PITPNC1: variants seen among roughly 807,000 people sequenced by gnomAD.
PITPNC1 encodes cytoplasmic phosphatidylinositol transfer protein 1.
A neutral mutation model predicts 44.7 loss-of-function variants in PITPNC1; 18 were observed. The ratio of observed to expected loss-of-function variants is 0.40; its 90% CI spans 0.28 to 0.60. The LOEUF is 0.60. Among genes scored for constraint, PITPNC1 ranks in the 20% least tolerant of loss-of-function variants. The pLI is 0.39. For missense variants in PITPNC1, 290 were observed against 418.4 expected, an observed-to-expected ratio of 0.69 and a Z score of 2.68; for synonymous variants, 141 against 149.6, an observed-to-expected ratio of 0.94 and a Z score of 0.42.
At position 67,389,076 on chromosome 17, in the gene PITPNC1, C is replaced by G. The variant is rs567335567; in HGVS notation, c.48+10874C>G. ...TCAAGGCGTCAGTCAGGCTGCCTTT[C>G]TTTCTGGAGCTTGGAGTTGTCTTCA... On this transcript the variant is annotated intron_variant, in intron 1 of 8. Transcript: ENST00000581322. Among the ~76,000 whole-genome samples the G allele has an allele frequency of 8.5e-5, 13 of 152,352 alleles. No individual in the cohort carries two copies. The East Asian group carries it at 2.3e-3, about 27-fold the overall frequency.
chr17:67,459,113 CTT>C (rs886333854), intron 1 of PITPNC1, among the ~76,000 whole-genome samples: 9 of 95,712 alleles, frequency 9.4e-5, no homozygotes, highest in South Asian at 3.4e-4. Context: ...TTTTCTTTTT[CTT>C]TTTTTTTTTT....
intron 7 of PITPNC1, among the ~76,000 whole-genome samples, chr17:67,670,750 CAA>C (rs61094990): frequency 2.0e-4 from 12 of 60,498 alleles, no homozygotes; most frequent in Non-Finnish European, 1.6e-4. Flanking sequence ...GACTCCATCT[CAA>C]AAAAAAAAAA....
intron 5 of PITPNC1, among the ~76,000 whole-genome samples, chr17:67,623,596 C>G (rs184207493): frequency 1.6e-4 from 24 of 152,312 alleles, no homozygotes; most frequent in African/African-American, 5.8e-4. Context: ...GTTGACCAGG[C>G]TGGTCTGGAA....
At chr17:67,483,361 G>A (rs1358313437) in intron 1 of PITPNC1, among the ~76,000 whole-genome samples, 1 of 152,138 alleles carries the variant, frequency 6.6e-6, no homozygotes, top group South Asian at 2.1e-4. Flanking sequence ...AGTAATCCTG[G>A]TATCCAGATA....
chr17:67,672,619 T>C (rs1484884207), intron 7 of PITPNC1, among the ~76,000 whole-genome samples: 1 of 151,218 alleles, frequency 6.6e-6, no homozygotes, highest in African/African-American at 2.4e-5. Flanking sequence ...ATAATAATAA[T>C]AATAATAATA....
At position 67,441,624 on chromosome 17, in the gene PITPNC1, G is replaced by T. The variant is rs191197103; in HGVS notation, c.48+63422G>T. Reference sequence around the variant, plus strand: ...CTTCTAATCCGATCACAGCTGTAAAGACCATAAAGCCAAGCCCCGACGTCA... The same window carrying T: ...CTTCTAATCCGATCACAGCTGTAAATACCATAAAGCCAAGCCCCGACGTCA... On this transcript the variant is annotated intron_variant, in intron 1 of 8. Transcript: ENST00000581322. Among the ~76,000 whole-genome samples the T allele has an allele frequency of 6.8e-4, 103 of 152,274 alleles. 2 individuals are homozygous for T. The South Asian group carries it at 8.5e-3, about 13-fold the overall frequency.
At chr17:67,423,606 C>A (rs1485631962) in intron 1 of PITPNC1, among the ~76,000 whole-genome samples, 1 of 152,120 alleles carries the variant, frequency 6.6e-6, no homozygotes, top group Admixed American at 6.6e-5. Flanking sequence ...TGGGCTTAAG[C>A]GATCCTCCTG....
chr17:67,622,648 G>T (rs1419000936), intron 5 of PITPNC1, among the ~76,000 whole-genome samples: 1 of 151,720 alleles, frequency 6.6e-6, no homozygotes, highest in East Asian at 1.9e-4. Context: ...GAGAGGCTGA[G>T]GCAGTTGGAT....
intron 1 of PITPNC1, among the ~76,000 whole-genome samples, chr17:67,427,577 T>TTTGC (rs1172288291): frequency 2.6e-5 from 4 of 152,030 alleles, no homozygotes; most frequent in Non-Finnish European, 5.9e-5. Context: ...GTGAGCTGGA[T>TTTGC]TTGCTGTATT....
chr17:67,692,713 C>G lies in PITPNC1; in HGVS notation c.824C>G (p.Ala275Gly), dbSNP rs1415749042. ...TCCGTCCGCAGTGCGCCTTCTAGTGCTCCATCCACCCCTCTCTCCACAGAC... is the reference window on the plus strand; with the variant it reads ...TCCGTCCGCAGTGCGCCTTCTAGTGGTCCATCCACCCCTCTCTCCACAGAC... The part of the protein sequence containing the change: ...PSSVRSAPSS[A>G]PSTPLSTDAP... Residue 275 changes from alanine (A) to glycine (G), a missense_variant, in exon 9 of 9, where the codon GCT becomes GGT. Coordinates refer to ENST00000581322, the MANE Select transcript of PITPNC1 (RefSeq NM_012417.4). The G allele has an allele frequency of 6.2e-7, 1 of 1,613,776 alleles. No homozygotes were observed. The highest frequency in any genetic ancestry group is 1.3e-5 in the African/African-American group (1 of 74,914).
chr17:67,430,680 G>A (rs568231522), intron 1 of PITPNC1, among the ~76,000 whole-genome samples: 13 of 151,134 alleles, frequency 8.6e-5, no homozygotes, highest in African/African-American at 2.9e-4. Context: ...ACAGCTGGGC[G>A]TGGTGGTGCA....
At chr17:67,514,518 CT>C (rs1351558043) in intron 1 of PITPNC1, among the ~76,000 whole-genome samples, 1 of 150,894 alleles carries the variant, frequency 6.6e-6, no homozygotes, top group Non-Finnish European at 1.5e-5. Flanking sequence ...TTCTTGATAA[CT>C]GATCAACTGT....
intron 5 of PITPNC1, among the ~76,000 whole-genome samples, chr17:67,581,807 G>C (rs2041238197): frequency 6.6e-6 from 1 of 152,206 alleles, no homozygotes; most frequent in African/African-American, 2.4e-5. Flanking sequence ...GCTGAGGTGG[G>C]TGGATACCTG....
At chr17:67,388,124 A>G (rs2038082094) in intron 1 of PITPNC1, among the ~76,000 whole-genome samples, 1 of 152,170 alleles carries the variant, frequency 6.6e-6, no homozygotes, top group African/African-American at 2.4e-5. Context: ...TAAAAGGTTT[A>G]AAATTTTTTC....
intron 1 of PITPNC1, among the ~76,000 whole-genome samples, chr17:67,428,839 CTTTTTTTT>C (rs369624053): frequency 2.7e-5 from 3 of 113,166 alleles, no homozygotes; most frequent in South Asian, 5.7e-4. Context: ...ACTTGTCTTG[CTTTTTTTT>C]TTTTTTTTTT....
intron 5 of PITPNC1, among the ~76,000 whole-genome samples, chr17:67,609,121 C>T (rs1053003330): frequency 1.4e-4 from 22 of 151,906 alleles, no homozygotes; most frequent in Middle Eastern, 3.4e-3. Flanking sequence ...CTCAGCCTCC[C>T]GAAGTGCTGG....
intron 1 of PITPNC1, among the ~76,000 whole-genome samples, chr17:67,507,258 G>A (rs542424003): frequency 6.6e-6 from 1 of 152,314 alleles, no homozygotes; most frequent in African/African-American, 2.4e-5. Context: ...AGTAACCGGG[G>A]TGGATGATGC....
chr17:67,630,581 T>G (rs2041953359), intron 5 of PITPNC1, among the ~76,000 whole-genome samples: 1 of 152,102 alleles, frequency 6.6e-6, no homozygotes, highest in African/African-American at 2.4e-5. Context: ...ATCCCACCAC[T>G]TCATTCCAGC....
chr17:67,478,667 C>T (rs1206047961), intron 1 of PITPNC1, among the ~76,000 whole-genome samples: 1 of 152,116 alleles, frequency 6.6e-6, no homozygotes, highest in Non-Finnish European at 1.5e-5. Context: ...TTGGTGAAAT[C>T]CCTTGAAAGG....
Sources: allele counts gnomAD v4.1 joint callset (sites outside exome capture counted in the v4.1 genomes callset), GRCh38; gene constraint gnomAD v4.1.1; transcripts MANE v1.5; gene names NCBI Gene and HGNC (gene_info 2026-07-23, HGNC 2026-07-21).